The following KLLN variants were observed in gnomAD, a reference collection of about 807,000 sequenced individuals.
KLLN encodes the protein killin.
For missense variants in KLLN, 340 were observed against 241.3 expected (o/e 1.41, Z -2.71); for synonymous variants, 142 against 102.2 (o/e 1.39, Z -2.35).
Position 87,862,418 on chromosome 10 carries a change from A to C in KLLN, c.70T>G (p.Trp24Gly), listed in dbSNP as rs951705926. ...AGCTTCCTACCGTTCCGTACTTTCCACTCAACCCGGTAACCCCAAACGTGC... is the reference window on the plus strand; with the variant it reads ...AGCTTCCTACCGTTCCGTACTTTCCCCTCAACCCGGTAACCCCAAACGTGC... ...TVHVWGYRVE[W>G]KVRNGRKLQP... is the part of the protein sequence containing the mutation. The change falls in exon 1 of 1, where the codon TGG (tryptophan) becomes GGG (glycine). Residue 24 changes from tryptophan (W) to glycine (G), a missense_variant. By Grantham distance (184) the Trp-to-Gly change is radical. Transcript: ENST00000445946. The C allele has an allele frequency of 6.4e-7, 1 of 1,550,924 alleles. No individual in the cohort carries two copies. Among genetic ancestry groups the C allele is most frequent in the Non-Finnish European group, 8.7e-7 (1 of 1,146,760 alleles).
chr10:87,862,106 G>C lies in KLLN; in HGVS notation c.382C>G (p.Arg128Gly), dbSNP rs201652303. 4.1e-3 allele frequency: 6,298 copies of C among 1,541,338 alleles called. 54 individuals carry two copies. Among genetic ancestry groups the C allele is most frequent in the South Asian group, 0.021 (1,706 of 82,998 alleles). Residue 128 changes from arginine to glycine, a missense_variant, in exon 1 of 1, where the codon CGC becomes GGC. By Grantham distance (125) the Arg-to-Gly change is moderately radical (BLOSUM62 -2). Coordinates refer to ENST00000445946, the MANE Select transcript of KLLN (RefSeq NM_001126049.2). ...SLPKERCRGW[R>G]LGNWLHKHPH... Reference sequence around the variant, plus strand: ...TGCTTGTGTAACCAGTTCCCCAAGCGCCAGCCCCGACAGCGCTCCTTCGGG... The same window carrying C: ...TGCTTGTGTAACCAGTTCCCCAAGCCCCAGCCCCGACAGCGCTCCTTCGGG...
In KLLN at chr10:87,861,794, GC is replaced by G; in HGVS notation, c.*156del. 2 of 617,802 alleles carry G rather than the reference GC, an allele frequency of 3.2e-6. No homozygotes were observed. Among genetic ancestry groups the G allele is most frequent in the Non-Finnish European group, 5.3e-6 (2 of 375,494 alleles). The allele number at this position is 617,802 out of a possible 1,614,324, so 38.3% of individuals were successfully genotyped here. A position where few individuals can be genotyped will look rare whatever the true frequency, so the allele number is the denominator to read the frequency against. On this transcript the variant is annotated 3_prime_UTR_variant, in exon 1 of 1. Transcript: ENST00000445946. ...CGGAGAATGCACGCTCTGGGCTGCA[GC>G]AGGAGATACCCTCAAGCACAGAACC...
Position 87,860,901 on chromosome 10 carries a change from C to T in KLLN, c.*1050G>A, listed in dbSNP as rs1858246128. 6.6e-6 allele frequency: 1 copy of T among 152,198 alleles called. No homozygotes were observed. The highest frequency in any genetic ancestry group is 2.4e-5 in the African/African-American group (1 of 41,450). 9.4% of individuals were successfully genotyped at this position (152,198 alleles called of 1,614,324 possible). ...AATGAAATCTGTAGTTCACGCTAGGCTGTGTGGACAGTATCTGCATCTCTG... is the reference window on the plus strand; with the variant it reads ...AATGAAATCTGTAGTTCACGCTAGGTTGTGTGGACAGTATCTGCATCTCTG... On this transcript the variant is annotated 3_prime_UTR_variant, in exon 1 of 1. Transcript: ENST00000445946.
In KLLN at chr10:87,861,865, C is replaced by A; in HGVS notation, c.*86G>T. 7.6e-7 allele frequency: 1 copy of A among 1,324,054 alleles called. No homozygotes were observed. The highest frequency in any genetic ancestry group is 1.7e-5 in the South Asian group (1 of 58,568). 82.0% of individuals were successfully genotyped at this position (1,324,054 alleles called of 1,614,324 possible). A position where few individuals can be genotyped will look rare whatever the true frequency, so the allele number is the denominator to read the frequency against. ...GGCAGGGCATCAGCGATGGAGAGGC[C>A]CGAGAGCCCTAGCGCCCAGCTCCTT... On this transcript the variant is annotated 3_prime_UTR_variant, in exon 1 of 1. Transcript: ENST00000445946.
Position 87,861,869 on chromosome 10 carries a change from G to A in KLLN, c.*82C>T. On this transcript the variant is annotated 3_prime_UTR_variant, in exon 1 of 1. Coordinates refer to ENST00000445946, the MANE Select transcript of KLLN (RefSeq NM_001126049.2). ...GGGCATCAGCGATGGAGAGGCCCGA[G>A]AGCCCTAGCGCCCAGCTCCTTTTCC... 7.5e-7 allele frequency: 1 copy of A among 1,340,176 alleles called. No individual in the cohort carries two copies. The highest frequency in any genetic ancestry group is 1.0e-6 in the Non-Finnish European group (1 of 1,004,776). 83.0% of individuals were successfully genotyped at this position (1,340,176 alleles called of 1,614,324 possible).
In KLLN at chr10:87,862,057, C is replaced by A; in HGVS notation, c.431G>T (p.Arg144Leu). The change falls in exon 1 of 1, where the codon CGC (arginine) becomes CTC (leucine). Residue 144 changes from arginine to leucine, a missense_variant. Coordinates refer to ENST00000445946, the MANE Select transcript of KLLN (RefSeq NM_001126049.2). ...CGGCGGCAGCCAGCAGGCGGGGAGG[C>A]GGGGGCACGTGTTTGGATGTGGGTG... Reference protein sequence around the residue: ...HKHPHPNTCPRLPACWLPPIL... With the variant: ...HKHPHPNTCPLLPACWLPPIL... 6.7e-7 allele frequency: 1 copy of A among 1,494,700 alleles called. No individual in the cohort carries two copies. The allele number at this position is 1,494,700 out of a possible 1,614,324, so 92.6% of individuals were successfully genotyped here.
In KLLN at chr10:87,861,747, G is replaced by T; in HGVS notation, c.*204C>A. 1 of 509,972 alleles carries T rather than the reference G, an allele frequency of 2.0e-6. No homozygotes were observed. Among genetic ancestry groups the T allele is most frequent in the Non-Finnish European group, 3.4e-6 (1 of 293,248 alleles). 31.6% of individuals were successfully genotyped at this position (509,972 alleles called of 1,614,324 possible). A position where few individuals can be genotyped will look rare whatever the true frequency, so the allele number is the denominator to read the frequency against. On this transcript the variant is annotated 3_prime_UTR_variant, in exon 1 of 1. Transcript: ENST00000445946. ...GCGCGCTCACCAGCTCAGGGGTAGT[G>T]ACTGGACGTTTGTTGCAACATCGGA...
rs1858262866 is a variant in KLLN, at chr10:87,861,902, G to A, written c.*49C>T. On this transcript the variant is annotated 3_prime_UTR_variant, in exon 1 of 1. Transcript: ENST00000445946. ...GCGCCCAGCTCCTTTTCCCACGTTTGGGAAGGCGCAGAATAGGTCGATGTA... is the reference window on the plus strand; with the variant it reads ...GCGCCCAGCTCCTTTTCCCACGTTTAGGAAGGCGCAGAATAGGTCGATGTA... 2.8e-6 allele frequency: 4 copies of A among 1,434,902 alleles called. No homozygotes were observed. The South Asian group carries it at 4.8e-5, about 17-fold the overall frequency. The allele number at this position is 1,434,902 out of a possible 1,614,324, so 88.9% of individuals were successfully genotyped here.
At position 87,860,194 on chromosome 10, in the gene KLLN, A is replaced by C. The variant is rs1370595413; in HGVS notation, c.*1757T>G. 1 of 152,324 alleles carries C rather than the reference A, an allele frequency of 6.6e-6. No individual in the cohort carries two copies. The highest frequency in any genetic ancestry group is 2.1e-4 in the South Asian group (1 of 4,826). 9.4% of individuals were successfully genotyped at this position (152,324 alleles called of 1,614,324 possible). A position where few individuals can be genotyped will look rare whatever the true frequency, so the allele number is the denominator to read the frequency against. On this transcript the variant is annotated 3_prime_UTR_variant, in exon 1 of 1. Transcript: ENST00000445946. ...TTTGGGTAGAAAGGAAAAGAAAAAC[A>C]AAAAATTGGAAAAGGATGCATCAGT...
rs576119843 is a variant in KLLN, at chr10:87,861,126, A to G, written c.*825T>C. 1 of 152,212 alleles carries G rather than the reference A, an allele frequency of 6.6e-6. No homozygotes were observed. The allele number at this position is 152,212 out of a possible 1,614,324, so 9.4% of individuals were successfully genotyped here. A position where few individuals can be genotyped will look rare whatever the true frequency, so the allele number is the denominator to read the frequency against. On this transcript the variant is annotated 3_prime_UTR_variant, in exon 1 of 1. Coordinates refer to ENST00000445946, the MANE Select transcript of KLLN (RefSeq NM_001126049.2). ...TGTATATAAGTGCAAAGTTTTATGG[A>G]GCCTCAGAGGTCTCTAAGAACACTG...
At position 87,862,503 on chromosome 10, in the gene KLLN, CG is replaced by C. The variant is rs1480399848; in HGVS notation, c.-17del. 3.9e-6 allele frequency: 6 copies of C among 1,534,204 alleles called. No individual in the cohort carries two copies. Among genetic ancestry groups the C allele is most frequent in the Non-Finnish European group, 5.3e-6 (6 of 1,136,218 alleles). ...GGCGATCCATCCTGCCGGGTTTTCACGGCGGCCAAGGGGGGGCGGGGCTAGG... is the reference window on the plus strand; with the variant it reads ...GGCGATCCATCCTGCCGGGTTTTCACGCGGCCAAGGGGGGGCGGGGCTAGG... On this transcript the variant is annotated 5_prime_UTR_variant, in exon 1 of 1. Transcript: ENST00000445946.
At position 87,862,181 on chromosome 10, in the gene KLLN, T is replaced by A. The variant is rs1234918531; in HGVS notation, c.307A>T (p.Asn103Tyr). Residue 103 changes from asparagine to tyrosine, a missense_variant, in exon 1 of 1, where the codon AAC (asparagine) becomes TAC (tyrosine). Transcript: ENST00000445946. ...RGALAWCRQRNPNPSCAAAET... is the reference protein window; with the variant it reads ...RGALAWCRQRYPNPSCAAAET... ...GCCGCGGCGCAGGAAGGGTTGGGGTTCCGCTGCCTGCACCAGGCAAGAGCA... is the reference window on the plus strand; with the variant it reads ...GCCGCGGCGCAGGAAGGGTTGGGGTACCGCTGCCTGCACCAGGCAAGAGCA... 3 of 1,551,464 alleles carry A rather than the reference T, an allele frequency of 1.9e-6. No individual in the cohort carries two copies. The African/African-American group carries it at 4.1e-5, about 21-fold the overall frequency.
rs944143867 is a variant in KLLN, at chr10:87,862,549, T to G, written c.-62A>C. The G allele has an allele frequency of 2.7e-5, 38 of 1,429,774 alleles. No homozygotes were observed. The South Asian group carries it at 3.6e-4, about 14-fold the overall frequency. 88.6% of individuals were successfully genotyped at this position (1,429,774 alleles called of 1,614,324 possible). A position where few individuals can be genotyped will look rare whatever the true frequency, so the allele number is the denominator to read the frequency against. ...GCTAGGTGGTCTCTGAGAACCGAGC[T>G]TGACTCCGACGCCGCGAACCGACCT... On this transcript the variant is annotated 5_prime_UTR_variant, in exon 1 of 1. Transcript: ENST00000445946.
In KLLN at chr10:87,862,431, A is replaced by G. The variant is rs763692760; in HGVS notation, c.57T>C (p.Gly19=). The change falls in exon 1 of 1, where the codon GGT becomes GGC. Residue 19 remains glycine (G), a synonymous_variant. Transcript: ENST00000445946. The part of the protein sequence containing the change: ...ARPGRTVHVW[G]YRVEWKVRNG... ...TCCGTACTTTCCACTCAACCCGGTAACCCCAAACGTGCACGGTCCGGCCGG... is the reference window on the plus strand; with the variant it reads ...TCCGTACTTTCCACTCAACCCGGTAGCCCCAAACGTGCACGGTCCGGCCGG... 108 of 1,551,134 alleles carry G rather than the reference A, an allele frequency of 7.0e-5. 1 individual carries two copies. Among genetic ancestry groups the G allele is most frequent in the Non-Finnish European group, 7.0e-6 (8 of 1,146,894 alleles).
In KLLN at chr10:87,862,219, G is replaced by A. The variant is rs1201621687; in HGVS notation, c.269C>T (p.Ser90Phe). 3 of 1,551,588 alleles carry A rather than the reference G, an allele frequency of 1.9e-6. No individual in the cohort carries two copies. The highest frequency in any genetic ancestry group is 1.7e-4 in the Middle Eastern group (1 of 6,014). ...SDSSGGKSSS[S>F]FARGALAWCR... ...CCAGGCAAGAGCACCCCGAGCAAAGGAAGAAGACGACTTGCCTCCGGAGCT... is the reference window on the plus strand; with the variant it reads ...CCAGGCAAGAGCACCCCGAGCAAAGAAAGAAGACGACTTGCCTCCGGAGCT... The change falls in exon 1 of 1, where the codon TCC becomes TTC. Residue 90 changes from serine (S) to phenylalanine (F), a missense_variant. Transcript: ENST00000445946.
rs542841708 is a variant in KLLN, at chr10:87,862,191, G to A, written c.297C>T (p.Cys99=). The A allele has an allele frequency of 1.9e-6, 3 of 1,551,502 alleles. No individual in the cohort carries two copies. Among genetic ancestry groups the A allele is most frequent in the Middle Eastern group, 1.7e-4 (1 of 5,990 alleles). ...SSFARGALAW[C]RQRNPNPSCA... ...AGGAAGGGTTGGGGTTCCGCTGCCTGCACCAGGCAAGAGCACCCCGAGCAA... is the reference window on the plus strand; with the variant it reads ...AGGAAGGGTTGGGGTTCCGCTGCCTACACCAGGCAAGAGCACCCCGAGCAA... Residue 99 remains cysteine, a synonymous_variant, in exon 1 of 1, where the codon TGC becomes TGT. Coordinates refer to ENST00000445946, the MANE Select transcript of KLLN (RefSeq NM_001126049.2).
rs1858237973 is a variant in KLLN at position 87,860,450 on chromosome 10, T to C, written c.*1501A>G. The C allele has an allele frequency of 6.6e-6, 1 of 152,266 alleles. No individual in the cohort carries two copies. Among genetic ancestry groups the C allele is most frequent in the South Asian group, 2.1e-4 (1 of 4,834 alleles). The allele number at this position is 152,266 out of a possible 1,614,324, so 9.4% of individuals were successfully genotyped here. On this transcript the variant is annotated 3_prime_UTR_variant, in exon 1 of 1. Transcript: ENST00000445946. Reference sequence around the variant, plus strand: ...GAAGTACTTGGAGGCTGGTCTCATATTCTAGCACTTTAGTGCTGGTGATGC... The same window carrying C: ...GAAGTACTTGGAGGCTGGTCTCATACTCTAGCACTTTAGTGCTGGTGATGC...
rs773263886 is a variant in KLLN, at chr10:87,862,316, C to T, written c.172G>A (p.Gly58Arg). ...RRWKDTRATV[G>R]TTFRRRSRVS... The stretch of plus-strand genomic sequence containing the variant: ...CGTGACCTCCTTCGGAAAGTAGTTC[C>T]GACTGTGGCCCGTGTATCCTTCCAC... Residue 58 changes from glycine (G) to arginine (R), a missense_variant, in exon 1 of 1, where the codon GGA (glycine) becomes AGA (arginine). Gly to Arg is a moderately radical substitution (Grantham distance 125). Coordinates refer to ENST00000445946, the MANE Select transcript of KLLN (RefSeq NM_001126049.2). The T allele has an allele frequency of 1.3e-6, 2 of 1,551,716 alleles. No homozygotes were observed. The highest frequency in any genetic ancestry group is 2.4e-5 in the South Asian group (2 of 84,062).
chr10:87,863,492 T>C lies in KLLN; in HGVS notation c.-1005A>G. On this transcript the variant is annotated 5_prime_UTR_variant, in exon 1 of 1. Transcript: ENST00000445946. ...CCTCTCGCTCGCCTCCCGCCTCCCCTCGGTCTTCCGAGGCGCCCGGGCTCC... is the reference window on the plus strand; with the variant it reads ...CCTCTCGCTCGCCTCCCGCCTCCCCCCGGTCTTCCGAGGCGCCCGGGCTCC... The C allele has an allele frequency of 2.6e-6, 1 of 383,004 alleles. No individual in the cohort carries two copies. Among genetic ancestry groups the C allele is most frequent in the Non-Finnish European group, 4.6e-6 (1 of 215,724 alleles). 23.7% of individuals were successfully genotyped at this position (383,004 alleles called of 1,614,324 possible). A position where few individuals can be genotyped will look rare whatever the true frequency, so the allele number is the denominator to read the frequency against.
Sources: allele counts gnomAD v4.1 joint callset, GRCh38; gene constraint gnomAD v4.1.1; transcripts MANE v1.5; gene names NCBI Gene and HGNC (gene_info 2026-07-23, HGNC 2026-07-21).